CDKAL1: variants seen among roughly 807,000 people sequenced by gnomAD.
CDKAL1 encodes threonylcarbamoyladenosine tRNA methylthiotransferase.
In CDKAL1, 32 loss-of-function variants were observed where a neutral mutation model predicts 68.2. The ratio of observed to expected loss-of-function variants is 0.47; its 90% CI spans 0.35 to 0.63. CDKAL1 has a LOEUF of 0.63. Among genes scored for constraint, CDKAL1 ranks in the 30% least tolerant of loss-of-function variants. CDKAL1 has a pLI of 0.00. For synonymous variants in CDKAL1, 234 were observed against 244.3 expected (o/e 0.96, Z 0.39); for missense variants, 606 against 696.7 (o/e 0.87, Z 1.47).
chr6:20,945,949 C>T (rs2150707355), intron 9 of CDKAL1, among the ~76,000 whole-genome samples: 1 of 152,012 alleles, frequency 6.6e-6, no homozygotes. Context: ...TCATTTTTTT[C>T]CTGCCCCTTC....
At chr6:21,020,798 A>T (rs1467729745) in intron 11 of CDKAL1, among the ~76,000 whole-genome samples, 1 of 132,252 alleles carries the variant, frequency 7.6e-6, no homozygotes, top group Non-Finnish European at 1.6e-5. Context: ...TTTTTAAGAG[A>T]TAGGGTCTCA....
At chr6:20,616,839 C>CCACA (rs756883799) in intron 4 of CDKAL1, among the ~76,000 whole-genome samples, 17,480 of 121,212 alleles carry the variant, frequency 0.14, 1,428 homozygotes, top group East Asian at 0.31. Context: ...CCCGACTCTA[C>CCACA]CACACACACA....
Position 20,539,923 on chromosome 6 carries a change from G to A in CDKAL1, c.-6+4529G>A, listed in dbSNP as rs1403345544. 2.6e-5 allele frequency among the ~76,000 whole-genome samples: 4 copies of A among 152,086 alleles called. No individual in the cohort carries two copies. Among genetic ancestry groups the A allele is most frequent in the Admixed American group, 2.6e-4 (4 of 15,262 alleles). On this transcript the variant is annotated intron_variant, in intron 2 of 15. Transcript: ENST00000274695. This position sits in a 1 kb window ranked among gnomAD's most constrained non-coding sequence, Gnocchi z 4.3. ...TCCAGACAAGAGGTGATGTTGGTTT[G>A]GACCAAGAGTGTAACAGTGGGTATG...
rs147710865 is a variant in CDKAL1 at position 20,704,484 on chromosome 6, G to A, written c.372-35035G>A. ...AAACAGCAATAAAAAAAACACTGGGGGAGGAATGTGCTTGTCATGTTCAAG... is the reference window on the plus strand; with the variant it reads ...AAACAGCAATAAAAAAAACACTGGGAGAGGAATGTGCTTGTCATGTTCAAG... On this transcript the variant is annotated intron_variant, in intron 5 of 15. Transcript: ENST00000274695. 9.2e-5 allele frequency among the ~76,000 whole-genome samples: 14 copies of A among 152,274 alleles called. No individual in the cohort carries two copies. In the East Asian group the frequency reaches 2.7e-3, roughly 29 times the overall value.
chr6:20,846,262 C>T, intron 9 of CDKAL1, 84 bp downstream of exon 9: 3 of 746,562 alleles, frequency 4.0e-6, no homozygotes, highest in Non-Finnish European at 6.6e-6. Flanking sequence ...GTTTAGAGAC[C>T]AACTTCTTTA....
At position 20,739,505 on chromosome 6, in the gene CDKAL1, C is replaced by A; in HGVS notation, c.372-14C>A. The A allele has an allele frequency of 1.3e-6, 2 of 1,565,934 alleles. No homozygotes were observed. The highest frequency in any genetic ancestry group is 1.8e-6 in the Non-Finnish European group (2 of 1,139,194). On this transcript the variant is annotated splice_polypyrimidine_tract_variant and intron_variant, in intron 5 of 15. Coordinates refer to ENST00000274695, the MANE Select transcript of CDKAL1 (RefSeq NM_017774.3). ...AGCAAAGGAATTCACATTGTCTTCTCTTCAATCTTTTAGAAAAGCTCAAGA... is the reference window on the plus strand; with the variant it reads ...AGCAAAGGAATTCACATTGTCTTCTATTCAATCTTTTAGAAAAGCTCAAGA...
At chr6:21,072,946 AATAAT>A (rs1261921974) in intron 12 of CDKAL1, among the ~76,000 whole-genome samples, 1 of 152,124 alleles carries the variant, frequency 6.6e-6, no homozygotes, top group Non-Finnish European at 1.5e-5. Context: ...GTATCATCAG[AATAAT>A]TCCATTTCTC....
At chr6:21,224,359 T>G (rs1007559489) in intron 15 of CDKAL1, among the ~76,000 whole-genome samples, 2 of 152,090 alleles carry the variant, frequency 1.3e-5, no homozygotes, top group Admixed American at 1.3e-4. Flanking sequence ...AAACCCCATC[T>G]CTACTAAAAA....
chr6:20,546,241 T>G, intron 2 of CDKAL1, 105 bp from the exon 3 acceptor site: 2 of 821,156 alleles, frequency 2.4e-6, no homozygotes, highest in Non-Finnish European at 3.8e-6. Flanking sequence ...TGAAGTTAGA[T>G]CCAAAGGCTT....
chr6:21,105,323 A>G (rs1283416053), intron 12 of CDKAL1, among the ~76,000 whole-genome samples: 1 of 152,156 alleles, frequency 6.6e-6, no homozygotes, highest in East Asian at 1.9e-4. Context: ...TTACTTTAGA[A>G]TTTGATGGTC....
In CDKAL1 at chr6:20,918,709, C is replaced by T. The variant is rs145781051; in HGVS notation, c.743-36710C>T. Among the ~76,000 whole-genome samples, 77 of 152,284 alleles carry T rather than the reference C, an allele frequency of 5.1e-4. 1 individual carries two copies. The East Asian group carries it at 0.011, about 22-fold the overall frequency. The stretch of plus-strand genomic sequence containing the variant: ...CTGGAGTTGATAATTCTCTTACTTC[C>T]GCTTCTCAGTTTCTTTACTTACTCA... On this transcript the variant is annotated intron_variant, in intron 9 of 15. Transcript: ENST00000274695.
intron 9 of CDKAL1, among the ~76,000 whole-genome samples, chr6:20,847,245 G>A (rs1265791052): frequency 6.6e-6 from 1 of 152,148 alleles, no homozygotes; most frequent in Non-Finnish European, 1.5e-5. Context: ...ACTGACTCTT[G>A]CTAGCATTCT....
At chr6:21,066,477 C>G (rs1006473838) in intron 12 of CDKAL1, among the ~76,000 whole-genome samples, 2 of 152,162 alleles carry the variant, frequency 1.3e-5, no homozygotes, top group Non-Finnish European at 2.9e-5. Flanking sequence ...AACTTACATA[C>G]AGCAAAATTC....
chr6:20,810,687 A>T (rs1776778746), intron 8 of CDKAL1, among the ~76,000 whole-genome samples: 1 of 144,126 alleles, frequency 6.9e-6, no homozygotes, highest in East Asian at 2.1e-4. Context: ...AAAAAAAAAA[A>T]GTGTTTATTC....
intron 9 of CDKAL1, among the ~76,000 whole-genome samples, chr6:20,932,940 A>G (rs902644977): frequency 3.3e-5 from 5 of 152,178 alleles, no homozygotes; most frequent in Non-Finnish European, 7.4e-5. Context: ...TTGTTATTGT[A>G]TTTAGTAGCC....
At chr6:20,822,117 A>G (rs1403479017) in intron 8 of CDKAL1, among the ~76,000 whole-genome samples, 3 of 152,146 alleles carry the variant, frequency 2.0e-5, no homozygotes, top group African/African-American at 7.2e-5. Context: ...AAAACCTGAA[A>G]TATTTACTGT....
rs145369437 is a variant in CDKAL1 at position 20,723,095 on chromosome 6, C to A, written c.372-16424C>A. 9.2e-5 allele frequency among the ~76,000 whole-genome samples: 14 copies of A among 152,270 alleles called. No individual in the cohort carries two copies. The East Asian group carries it at 2.5e-3, about 27-fold the overall frequency. ...AAAGGCTGCCACACAAGCCCTTTGC[C>A]CTTTCCAGTGGAGGGCAGCTGCCCC... On this transcript the variant is annotated intron_variant, in intron 5 of 15. Coordinates refer to ENST00000274695, the MANE Select transcript of CDKAL1 (RefSeq NM_017774.3).
At chr6:20,535,632 C>T (rs1763138013) in intron 2 of CDKAL1, among the ~76,000 whole-genome samples, 1 of 152,170 alleles carries the variant, frequency 6.6e-6, no homozygotes, top group African/African-American at 2.4e-5. Flanking sequence ...ATTTGCCTTC[C>T]ATGGCCCATG....
chr6:20,951,915 CTCTTA>C (rs1011776771), intron 9 of CDKAL1, among the ~76,000 whole-genome samples: 10 of 150,832 alleles, frequency 6.6e-5, no homozygotes, highest in African/African-American at 2.4e-4. Flanking sequence ...GCATTCACTT[CTCTTA>C]TCTTAGTTCT....
Sources: gnomAD v4.1 joint callset for allele counts (sites outside exome capture counted in the v4.1 genomes callset) on GRCh38, gnomAD v4.1.1 for gene constraint, Gnocchi (gnomAD v3.1) non-coding constraint, MANE v1.5 for transcripts, NCBI Gene and HGNC (gene_info 2026-07-23, HGNC 2026-07-21) for gene names.